CPVL: variants seen among roughly 807,000 people sequenced by gnomAD.
The protein encoded by CPVL is carboxypeptidase vitellogenic like, also known as probable serine carboxypeptidase CPVL.
Under a neutral mutation model 63.7 loss-of-function variants are expected in CPVL, and 51 were observed. The ratio of observed to expected loss-of-function variants is 0.80; its 90% CI spans 0.64 to 1.01. The LOEUF is 1.01. Among genes scored for constraint, CPVL ranks in the 50% least tolerant of loss-of-function variants. The pLI is 0.00. For synonymous variants in CPVL, 195 were observed against 206.0 expected, an observed-to-expected ratio of 0.95 and a Z score of 0.46; for missense variants, 530 against 573.1, an observed-to-expected ratio of 0.92 and a Z score of 0.77.
chr7:29,189,440 G>T (rs1191746873), intron 1 of CPVL, among the ~76,000 whole-genome samples: 3 of 152,044 alleles, frequency 2.0e-5, no homozygotes, highest in African/African-American at 7.2e-5. Context: ...AGGAACCCCC[G>T]CAGAAGACAC....
chr7:29,022,263 A>G (rs1167882436), intron 12 of CPVL, among the ~76,000 whole-genome samples: 3 of 152,292 alleles, frequency 2.0e-5, no homozygotes, highest in Admixed American at 2.0e-4. Context: ...GCTTGCCACC[A>G]GGAGACCTAA....
At chr7:29,052,235 A>G (rs1253820236) in intron 11 of CPVL, among the ~76,000 whole-genome samples, 1 of 151,842 alleles carries the variant, frequency 6.6e-6, no homozygotes, top group Non-Finnish European at 1.5e-5. Context: ...ACAAATCACC[A>G]CTAAAGAACT....
chr7:29,187,097 A>G (rs534227842), intron 1 of CPVL, among the ~76,000 whole-genome samples: 6 of 152,316 alleles, frequency 3.9e-5, no homozygotes, highest in Admixed American at 6.5e-5. Flanking sequence ...TGACTTTTCT[A>G]TATCACTAAT....
intron 5 of CPVL, among the ~76,000 whole-genome samples, chr7:29,176,203 T>A (rs906125200): frequency 6.8e-6 from 1 of 147,250 alleles, no homozygotes. Context: ...AAAAAACAGA[T>A]AAAAGAAAAA....
At chr7:29,179,980 T>G (rs1797858220) in intron 5 of CPVL, among the ~76,000 whole-genome samples, 2 of 152,230 alleles carry the variant, frequency 1.3e-5, no homozygotes, top group African/African-American at 4.8e-5. Context: ...GTCTTGTATT[T>G]TCAAATGATT....
intron 7 of CPVL, among the ~76,000 whole-genome samples, chr7:29,078,919 G>A (rs2128586325): frequency 6.6e-6 from 1 of 152,272 alleles, no homozygotes; most frequent in Admixed American, 6.5e-5. Flanking sequence ...ATTGGCAAGT[G>A]CAGATGAACA....
At chr7:29,158,218 C>G (rs1794693911) in intron 5 of CPVL, among the ~76,000 whole-genome samples, 1 of 152,188 alleles carries the variant, frequency 6.6e-6, no homozygotes, top group African/African-American at 2.4e-5. Flanking sequence ...TGTCTACAAT[C>G]AAGGACTATC....
chr7:29,158,254 A>G lies in CPVL; in HGVS notation c.-11+23036T>C, dbSNP rs551152676. 3.3e-5 allele frequency among the ~76,000 whole-genome samples: 5 copies of G among 152,316 alleles called. No individual in the cohort carries two copies. The East Asian group carries it at 9.6e-4, about 29-fold the overall frequency. On this transcript the variant is annotated intron_variant, in intron 5 of 16. Coordinates refer to the CPVL transcript ENST00000409850. ...TTCCTTCAGTGTTCTTTGCCATTTG[A>G]AGGAAAAGCAGTTTATAGCACACAC... is the stretch of plus-strand genomic sequence containing the variant.
At chr7:29,083,430 C>A (rs1487680834) in intron 7 of CPVL, among the ~76,000 whole-genome samples, 1 of 152,200 alleles carries the variant, frequency 6.6e-6, no homozygotes, top group Non-Finnish European at 1.5e-5. Context: ...TTTGTATATT[C>A]CAACCACCTG....
In CPVL at chr7:28,995,866, C is replaced by G; in HGVS notation, c.1337G>C (p.Gly446Ala). 6.3e-7 allele frequency: 1 copy of G among 1,582,884 alleles called. No homozygotes were observed. Among genetic ancestry groups the G allele is most frequent in the Non-Finnish European group, 8.6e-7 (1 of 1,166,076 alleles). Residue 446 changes from glycine (G) to alanine (A), a missense_variant, in exon 13 of 13, where the codon GGA becomes GCA. Physicochemically the swap from Gly to Ala is moderately conservative, Grantham distance 60. Transcript: ENST00000265394. ...GDFHQVIIRG[G>A]GHILPYDQPL... ...CTGGTCATAGGGTAAAATATGTCCT[C>G]CACCTCGAATAATTACCTTAAAAAG... is the stretch of plus-strand genomic sequence containing the variant.
intron 12 of CPVL, among the ~76,000 whole-genome samples, chr7:29,015,671 C>T (rs1786336670): frequency 6.6e-6 from 1 of 152,118 alleles, no homozygotes; most frequent in African/African-American, 2.4e-5. Context: ...TCAGGTATTT[C>T]CTTATAGCAG....
chr7:29,131,719 G>T (rs1790718793), intron 1 of CPVL, among the ~76,000 whole-genome samples: 1 of 152,102 alleles, frequency 6.6e-6, no homozygotes, highest in East Asian at 1.9e-4. Context: ...TGCCATGTTG[G>T]CCAGGCTGGT....
chr7:29,191,012 G>A (rs1782823368), intron 1 of CPVL, among the ~76,000 whole-genome samples: 1 of 151,680 alleles, frequency 6.6e-6, no homozygotes, highest in African/African-American at 2.4e-5. Context: ...AGAGCTCACT[G>A]CATCCTTGAA....
intron 12 of CPVL, among the ~76,000 whole-genome samples, chr7:29,023,279 AG>A (rs538402320): frequency 1.3e-5 from 2 of 152,308 alleles, no homozygotes; most frequent in East Asian, 1.9e-4. Context: ...TGGCTGTGGC[AG>A]GGGGGCTCAC....
chr7:29,111,480 C>G (rs921738319), intron 3 of CPVL, among the ~76,000 whole-genome samples: 1 of 152,190 alleles, frequency 6.6e-6, no homozygotes, highest in Non-Finnish European at 1.5e-5. Context: ...ATTGCAAGCT[C>G]TAGGCATCTC....
At chr7:29,101,688 A>G (rs989549614) in intron 3 of CPVL, among the ~76,000 whole-genome samples, 1 of 151,970 alleles carries the variant, frequency 6.6e-6, no homozygotes, top group Admixed American at 6.6e-5. Context: ...TTCTTCAGTG[A>G]AGGTATTTTT....
chr7:29,035,428 G>C (rs1788427889), intron 11 of CPVL, among the ~76,000 whole-genome samples: 1 of 152,214 alleles, frequency 6.6e-6, no homozygotes, highest in South Asian at 2.1e-4. Context: ...TGGAAACTGA[G>C]AGTTAGTTGC....
intron 9 of CPVL, among the ~76,000 whole-genome samples, chr7:29,066,551 A>G (rs1411659255): frequency 6.6e-6 from 1 of 152,148 alleles, no homozygotes; most frequent in Non-Finnish European, 1.5e-5. Flanking sequence ...GACATATTGG[A>G]TGAGAGGAAT....
chr7:29,017,803 A>C (rs1786561899), intron 12 of CPVL, among the ~76,000 whole-genome samples: 1 of 152,260 alleles, frequency 6.6e-6, no homozygotes, highest in Non-Finnish European at 1.5e-5. Flanking sequence ...CTGTACCAGC[A>C]TACTGCTGTG....
Sources: gnomAD v4.1 joint callset for allele counts (sites outside exome capture counted in the v4.1 genomes callset) on GRCh38, gnomAD v4.1.1 for gene constraint, MANE v1.5 for transcripts, NCBI Gene and HGNC (gene_info 2026-07-23, HGNC 2026-07-21) for gene names.